COL21A1: variants seen among roughly 807,000 people sequenced by gnomAD.
COL21A1 encodes collagen alpha-1(XXI) chain.
Under a neutral mutation model 137.9 loss-of-function variants are expected in COL21A1, and 149 were observed. That is an observed-to-expected ratio of 1.08 (90% CI 0.95 to 1.24). The LOEUF (loss-of-function observed/expected upper bound fraction) is 1.24, where lower values mean the gene tolerates loss of function less well. Among genes scored for constraint, COL21A1 ranks in the 50% most tolerant of loss-of-function variants. The probability of loss-of-function intolerance (pLI) is 0.00; values close to 1 mark genes in which losing one functional copy is unlikely to be tolerated. For synonymous variants in COL21A1, 456 were observed against 391.5 expected, an observed-to-expected ratio of 1.16 and a Z score of -1.95; for missense variants, 1,167 against 1,158.4, an observed-to-expected ratio of 1.01 and a Z score of -0.11.
rs1765740293 is a variant in COL21A1, at chr6:56,060,924, A to T, written c.2319T>A (p.Gly773=). Residue 773 remains glycine (G), a synonymous_variant, in exon 26 of 30, where the codon GGT becomes GGA. Transcript: ENST00000244728. ...CATCCAAACCTGGGGGTCCCTGAGG[A>T]CCTGGATCCCCAGGTTGCCCCTTAG... ...AGPKGQPGDP[G]PQGPPGLDGK... is the part of the protein sequence containing the mutation. 1 of 1,579,372 alleles carries T rather than the reference A, an allele frequency of 6.3e-7. No individual in the cohort carries two copies. Among genetic ancestry groups the T allele is most frequent in the African/African-American group, 1.4e-5 (1 of 72,444 alleles).
intron 12 of COL21A1, among the ~76,000 whole-genome samples, chr6:56,131,280 C>T (rs1333670289): frequency 6.6e-6 from 1 of 151,222 alleles, no homozygotes; most frequent in Non-Finnish European, 1.5e-5. Context: ...AGGTAAAGAA[C>T]TGAGAAAACA....
chr6:56,098,648 A>AAAT (rs1770071543), intron 17 of COL21A1, among the ~76,000 whole-genome samples: 3 of 11,374 alleles, frequency 2.6e-4, no homozygotes, highest in African/African-American at 4.9e-4. Context: ...AATATATATA[A>AAAT]ATATATAAAT....
chr6:56,353,088 G>A (rs1310942895), intron 1 of COL21A1, among the ~76,000 whole-genome samples: 1 of 152,088 alleles, frequency 6.6e-6, no homozygotes, highest in Admixed American at 6.6e-5. Flanking sequence ...GACTCTAGTG[G>A]TTTTAAAACA....
chr6:56,256,739 G>A (rs1014086933), intron 1 of COL21A1, among the ~76,000 whole-genome samples: 5 of 151,812 alleles, frequency 3.3e-5, no homozygotes, highest in African/African-American at 1.2e-4. Context: ...GGGTTATGAG[G>A]CCCCTTTCAT....
At chr6:56,301,241 A>G (rs566577824) in intron 1 of COL21A1, among the ~76,000 whole-genome samples, 8 of 152,270 alleles carry the variant, frequency 5.3e-5, no homozygotes, top group East Asian at 3.9e-4. Context: ...AGTGGGCCCA[A>G]TGGAATCAAA....
chr6:56,188,280 T>C (rs544071265), intron 1 of COL21A1, among the ~76,000 whole-genome samples: 1 of 152,334 alleles, frequency 6.6e-6, no homozygotes, highest in South Asian at 2.1e-4. Flanking sequence ...GCTAGATATG[T>C]AACCTAGAGA....
intron 1 of COL21A1, among the ~76,000 whole-genome samples, chr6:56,242,270 A>G (rs186168779): frequency 9.8e-4 from 150 of 152,310 alleles, no homozygotes; most frequent in Non-Finnish European, 1.5e-3. Flanking sequence ...GGTTCTCATA[A>G]AAATATAAAA....
Position 56,061,009 on chromosome 6 carries a change from CG to C in COL21A1, c.2233del (p.Arg745GlufsTer15), listed in dbSNP as rs764396706. On this transcript the variant is annotated frameshift_variant, in exon 26 of 30. Coordinates refer to ENST00000244728, the MANE Select transcript of COL21A1 (RefSeq NM_030820.4). LOFTEE classifies it high-confidence loss of function. Reference protein sequence around the residue: ...ERGEKGEPGVRGAIGSKGESG... With the variant: ...ERGEKGEPGVXGAIGSKGESG... ...TTCTCCTTTTGATCCAATGGCACCT[CG>C]GACACCAGGTTCTCCCTTTTCACCT... 7 of 1,608,892 alleles carry C rather than the reference CG, an allele frequency of 4.4e-6. No individual in the cohort carries two copies. The highest frequency in any genetic ancestry group is 5.9e-6 in the Non-Finnish European group (7 of 1,178,130).
chr6:56,334,871 T>C (rs1230705641), intron 1 of COL21A1, among the ~76,000 whole-genome samples: 1 of 152,134 alleles, frequency 6.6e-6, no homozygotes, highest in African/African-American at 2.4e-5. Context: ...TTTCCTCTTT[T>C]TGTCTTGAGT....
At chr6:56,162,602 C>T (rs955498945) in intron 9 of COL21A1, among the ~76,000 whole-genome samples, 6 of 151,954 alleles carry the variant, frequency 3.9e-5, no homozygotes, top group Non-Finnish European at 8.8e-5. Context: ...CCTTGGAGAC[C>T]CTGGAGATGG....
chr6:56,321,208 T>C (rs1764858384), intron 1 of COL21A1, among the ~76,000 whole-genome samples: 1 of 152,166 alleles, frequency 6.6e-6, no homozygotes, highest in Admixed American at 6.6e-5. Context: ...TGATTGCCAT[T>C]TGTTTTAGAC....
intron 12 of COL21A1, among the ~76,000 whole-genome samples, chr6:56,140,850 T>C (rs1774353787): frequency 6.6e-6 from 1 of 152,268 alleles, no homozygotes; most frequent in Non-Finnish European, 1.5e-5. Context: ...ACAGAGACCT[T>C]GCATAAATAT....
At position 56,057,118 on chromosome 6, in the gene COL21A1, C is replaced by A; in HGVS notation, c.*539G>T. 1 of 156,936 alleles carries A rather than the reference C, an allele frequency of 6.4e-6. No individual in the cohort carries two copies. Among genetic ancestry groups the A allele is most frequent in the Non-Finnish European group, 1.4e-5 (1 of 71,712 alleles). 9.7% of individuals were successfully genotyped at this position (156,936 alleles called of 1,614,324 possible). A position where few individuals can be genotyped will look rare whatever the true frequency, so the allele number is the denominator to read the frequency against. On this transcript the variant is annotated 3_prime_UTR_variant, in exon 30 of 30. Transcript: ENST00000244728. ...CAGAGGTGCTATTCACAACACCGAACAACAGGCAATCCACTGCCCCTTATC... is the reference window on the plus strand; with the variant it reads ...CAGAGGTGCTATTCACAACACCGAAAAACAGGCAATCCACTGCCCCTTATC...
At chr6:56,281,353 A>G (rs1763781770) in intron 1 of COL21A1, among the ~76,000 whole-genome samples, 1 of 152,202 alleles carries the variant, frequency 6.6e-6, no homozygotes, top group South Asian at 2.1e-4. Context: ...AATAGTAAAA[A>G]CTGCAAGAGG....
chr6:56,189,096 C>A (rs762677899), intron 1 of COL21A1, among the ~76,000 whole-genome samples: 2 of 151,984 alleles, frequency 1.3e-5, no homozygotes, highest in Non-Finnish European at 2.9e-5. Flanking sequence ...AGCAAGGGAA[C>A]AAAACTGCGC....
chr6:56,057,503 G>T lies in COL21A1; in HGVS notation c.*154C>A, dbSNP rs1189485630. On this transcript the variant is annotated 3_prime_UTR_variant, in exon 30 of 30. Coordinates refer to ENST00000244728, the MANE Select transcript of COL21A1 (RefSeq NM_030820.4). The stretch of plus-strand genomic sequence containing the variant: ...TGAGGAGCCTTTAAAATCAGTATAT[G>T]TGATCTTTTATATTTTTTTCCATAA... 19 of 703,410 alleles carry T rather than the reference G, an allele frequency of 2.7e-5. No individual in the cohort carries two copies. The highest frequency in any genetic ancestry group is 9.6e-6 in the Non-Finnish European group (4 of 416,706). The allele number at this position is 703,410 out of a possible 1,614,324, so 43.6% of individuals were successfully genotyped here.
rs1268589279 is a variant in COL21A1 at position 56,182,614 on chromosome 6, G to T, written c.5C>A (p.Ala2Asp). 2.5e-6 allele frequency: 4 copies of T among 1,597,214 alleles called. No individual in the cohort carries two copies. Among genetic ancestry groups the T allele is most frequent in the Non-Finnish European group, 2.6e-6 (3 of 1,170,270 alleles). The change falls in exon 2 of 30, where the codon GCT (alanine) becomes GAT (aspartate). Residue 2 changes from alanine (A) to aspartate (D), a missense_variant. Physicochemically the swap from Ala to Asp is moderately radical, Grantham distance 126. Coordinates refer to ENST00000244728, the MANE Select transcript of COL21A1 (RefSeq NM_030820.4). MAHYITFLCMVL... is the reference protein window; with the variant it reads MDHYITFLCMVL... ...CATGCAGAGAAATGTAATATAGTGAGCCATGTTTCTGTTTTCGTTCTAATA... is the reference window on the plus strand; with the variant it reads ...CATGCAGAGAAATGTAATATAGTGATCCATGTTTCTGTTTTCGTTCTAATA...
chr6:56,170,171 T>C (rs1276972621), intron 5 of COL21A1, among the ~76,000 whole-genome samples: 2 of 151,926 alleles, frequency 1.3e-5, no homozygotes, highest in South Asian at 2.1e-4. Flanking sequence ...ATACCTATTA[T>C]GTATCTGGTA....
intron 1 of COL21A1, among the ~76,000 whole-genome samples, chr6:56,340,080 G>A (rs547895457): frequency 8.5e-5 from 13 of 152,146 alleles, no homozygotes; most frequent in South Asian, 8.3e-4. Flanking sequence ...TCTCAGAACC[G>A]TACATGCCAA....
Sources: gnomAD v4.1 joint callset for allele counts (sites outside exome capture counted in the v4.1 genomes callset) on GRCh38, gnomAD v4.1.1 for gene constraint, MANE v1.5 for transcripts, NCBI Gene and HGNC (gene_info 2026-07-23, HGNC 2026-07-21) for gene names.